B3GALT1: variants seen among roughly 807,000 people sequenced by gnomAD.
The protein encoded by B3GALT1 is UDP-Gal:betaGlcNAc beta 1,3-galactosyltransferase, polypeptide 1.
In B3GALT1, 10 loss-of-function variants were observed where a neutral mutation model predicts 23.2. That is an observed-to-expected ratio of 0.43 (90% CI 0.27 to 0.73). The LOEUF (loss-of-function observed/expected upper bound fraction) is 0.73. B3GALT1 is among the 30% of genes least tolerant of loss of function. The pLI is 0.21. For synonymous variants in B3GALT1, 156 were observed against 141.5 expected, an observed-to-expected ratio of 1.10 and a Z score of -0.73; for missense variants, 299 against 405.4, an observed-to-expected ratio of 0.74 and a Z score of 2.25.
rs147116949 is a variant in B3GALT1 at position 167,554,027 on chromosome 2, ATC to A, written c.-410+63752_-410+63753del. Among the ~76,000 whole-genome samples the A allele has an allele frequency of 4.1e-3, 628 of 152,278 alleles. 20 individuals carry two copies. The East Asian group carries it at 0.08, about 19-fold the overall frequency. ...CATGTTATGGATTTGCCTCCTGGGGATCTGCGTTTATTAGGAGAATAACAGAA... is the reference window on the plus strand; with the variant it reads ...CATGTTATGGATTTGCCTCCTGGGGATGCGTTTATTAGGAGAATAACAGAA... On this transcript the variant is annotated intron_variant, in intron 2 of 4. Coordinates refer to ENST00000392690, the MANE Select transcript of B3GALT1 (RefSeq NM_020981.4).
chr2:167,852,758 A>G (rs1689928727), intron 4 of B3GALT1, among the ~76,000 whole-genome samples: 1 of 152,138 alleles, frequency 6.6e-6, no homozygotes, highest in Admixed American at 6.6e-5. Flanking sequence ...TTACTCTAGA[A>G]TATAGTCCAC....
intron 2 of B3GALT1, among the ~76,000 whole-genome samples, chr2:167,561,924 GA>G (rs1684003242): frequency 6.6e-6 from 1 of 152,168 alleles, no homozygotes; most frequent in African/African-American, 2.4e-5. Flanking sequence ...CCAGTCAGTA[GA>G]AAAAGAGGGA....
chr2:167,795,792 TC>T (rs1247159048), intron 3 of B3GALT1, among the ~76,000 whole-genome samples: 1 of 152,218 alleles, frequency 6.6e-6, no homozygotes, highest in Non-Finnish European at 1.5e-5. Flanking sequence ...AAACTAGCTC[TC>T]CAAGGTTTCC....
At chr2:167,504,881 A>G (rs1699898156) in intron 2 of B3GALT1, among the ~76,000 whole-genome samples, 1 of 152,196 alleles carries the variant, frequency 6.6e-6, no homozygotes, top group African/African-American at 2.4e-5. Context: ...GGTCTATGCA[A>G]GTACACTCTA....
At chr2:167,349,250 A>G (rs182886320) in intron 1 of B3GALT1, among the ~76,000 whole-genome samples, 137 of 152,292 alleles carry the variant, frequency 9.0e-4, no homozygotes, top group African/African-American at 2.8e-3. Flanking sequence ...CAGCTCCTCA[A>G]TCCTTTTTGC....
chr2:167,841,384 C>T (rs1366741119), intron 4 of B3GALT1, among the ~76,000 whole-genome samples: 1 of 152,130 alleles, frequency 6.6e-6, no homozygotes, highest in Non-Finnish European at 1.5e-5. Flanking sequence ...ATTGTGACCA[C>T]CTCAGGGTCT....
chr2:167,551,185 C>T (rs752394726), intron 2 of B3GALT1, among the ~76,000 whole-genome samples: 1 of 152,118 alleles, frequency 6.6e-6, no homozygotes, highest in Non-Finnish European at 1.5e-5. Flanking sequence ...CCTGTGTGCC[C>T]AGGAGGAAAG....
rs903557493 is a variant in B3GALT1 at position 167,872,341 on chromosome 2, T to C, written c.*2321T>C. ...TCATCCCCCACCCGAAAGGACCTGATATGAGACAAGACTTCCCATCCCTTA... is the reference window on the plus strand; with the variant it reads ...TCATCCCCCACCCGAAAGGACCTGACATGAGACAAGACTTCCCATCCCTTA... On this transcript the variant is annotated 3_prime_UTR_variant, in exon 5 of 5. Coordinates refer to ENST00000392690, the MANE Select transcript of B3GALT1 (RefSeq NM_020981.4). 6.6e-6 allele frequency: 1 copy of C among 152,202 alleles called. No individual in the cohort carries two copies. The highest frequency in any genetic ancestry group is 1.5e-5 in the Non-Finnish European group (1 of 68,056). The allele number at this position is 152,202 out of a possible 1,614,324, so 9.4% of individuals were successfully genotyped here.
chr2:167,808,929 C>T (rs1435545481), intron 3 of B3GALT1, among the ~76,000 whole-genome samples: 1 of 152,170 alleles, frequency 6.6e-6, no homozygotes, highest in South Asian at 2.1e-4. Flanking sequence ...ACCAATCAGA[C>T]GTAGATTTGG....
chr2:167,780,364 G>A (rs1317796997), intron 3 of B3GALT1, among the ~76,000 whole-genome samples: 1 of 152,142 alleles, frequency 6.6e-6, no homozygotes, highest in Non-Finnish European at 1.5e-5. Flanking sequence ...ATCAACTTTA[G>A]TAATCATAAG....
At position 167,801,240 on chromosome 2, in the gene B3GALT1, A is replaced by G. The variant is rs76861475; in HGVS notation, c.-351-17432A>G. On this transcript the variant is annotated intron_variant, in intron 3 of 4. Transcript: ENST00000392690. ...TTGATGTGTATTTGTCGTCTATCAA[A>G]GAACCCATCCCTGGAAAATTCACCC... Among the ~76,000 whole-genome samples, 538 of 152,364 alleles carry G rather than the reference A, an allele frequency of 3.5e-3. 6 individuals are homozygous for G. The highest frequency in any genetic ancestry group is 0.012 in the African/African-American group (503 of 41,590).
intron 2 of B3GALT1, among the ~76,000 whole-genome samples, chr2:167,575,918 A>G (rs1473192347): frequency 2.0e-5 from 3 of 151,824 alleles, no homozygotes; most frequent in Non-Finnish European, 4.4e-5. Flanking sequence ...AAATAGAGCC[A>G]TTTAGGCATA....
At chr2:167,499,606 A>G (rs941332480) in intron 2 of B3GALT1, among the ~76,000 whole-genome samples, 2 of 152,212 alleles carry the variant, frequency 1.3e-5, no homozygotes, top group South Asian at 2.1e-4. Context: ...TTTTATTTCA[A>G]CTAGTCACTG....
At chr2:167,387,923 A>T (rs1697951624) in intron 1 of B3GALT1, among the ~76,000 whole-genome samples, 3 of 152,216 alleles carry the variant, frequency 2.0e-5, no homozygotes. Flanking sequence ...CGATATTTGA[A>T]AGGAACGTAT....
intron 1 of B3GALT1, among the ~76,000 whole-genome samples, chr2:167,408,646 G>A (rs1252954327): frequency 1.3e-5 from 2 of 151,966 alleles, no homozygotes; most frequent in Admixed American, 6.6e-5. Context: ...TAAAGATACA[G>A]GATACAAAAT....
chr2:167,737,552 A>G (rs1687512115), intron 3 of B3GALT1, among the ~76,000 whole-genome samples: 1 of 152,220 alleles, frequency 6.6e-6, no homozygotes, highest in Non-Finnish European at 1.5e-5. Context: ...AGGGCCCACA[A>G]CCACTTCAGT....
chr2:167,597,893 A>G (rs1684808114), intron 2 of B3GALT1, among the ~76,000 whole-genome samples: 1 of 152,206 alleles, frequency 6.6e-6, no homozygotes, highest in Admixed American at 6.5e-5. Flanking sequence ...ATTTGTAGAT[A>G]TTATATGAGG....
At position 167,588,539 on chromosome 2, in the gene B3GALT1, G is replaced by A. The variant is rs970100574; in HGVS notation, c.-409-58370G>A. ...GGGTGACAGTTTTCCACACTCATACGAACAATGGTTATTATTTTTCTATAT... is the reference window on the plus strand; with the variant it reads ...GGGTGACAGTTTTCCACACTCATACAAACAATGGTTATTATTTTTCTATAT... On this transcript the variant is annotated intron_variant, in intron 2 of 4. Transcript: ENST00000392690. Among the ~76,000 whole-genome samples, 7 of 151,924 alleles carry A rather than the reference G, an allele frequency of 4.6e-5. No homozygotes were observed. In the South Asian group the frequency reaches 1.0e-3, roughly 23 times the overall value.
intron 4 of B3GALT1, among the ~76,000 whole-genome samples, chr2:167,864,258 A>G (rs1574308193): frequency 6.6e-6 from 1 of 152,294 alleles, no homozygotes; most frequent in South Asian, 2.1e-4. Context: ...CATCTAAGAA[A>G]ATAAATGCAT....
Sources: gnomAD v4.1 joint callset for allele counts (sites outside exome capture counted in the v4.1 genomes callset) on GRCh38, gnomAD v4.1.1 for gene constraint, MANE v1.5 for transcripts, NCBI Gene and HGNC (gene_info 2026-07-23, HGNC 2026-07-21) for gene names.